TNR: variants seen among roughly 807,000 people sequenced by gnomAD.
TNR encodes the protein tenascin R, also known as tenascin-R.
TNR carries 45 observed loss-of-function variants against 150.4 expected under a neutral mutation model. The observed-to-expected ratio is 0.30, with a 90% CI of 0.24 to 0.38. TNR has a LOEUF of 0.38. TNR is among the 10% of genes least tolerant of loss of function. The pLI is 1.00. For synonymous variants in TNR, 687 were observed against 678.4 expected, an observed-to-expected ratio of 1.01 and a Z score of -0.20; for missense variants, 1,544 against 1,759.1, an observed-to-expected ratio of 0.88 and a Z score of 2.19.
chr1:175,399,315 C>G (rs779073142), intron 4 of TNR, among the ~76,000 whole-genome samples: 1 of 152,148 alleles, frequency 6.6e-6, no homozygotes, highest in Non-Finnish European at 1.5e-5. Context: ...AACAAATCAG[C>G]GTATTCCTTT....
intron 2 of TNR, among the ~76,000 whole-genome samples, chr1:175,494,611 T>A (rs1352055680): frequency 6.6e-6 from 1 of 152,214 alleles, no homozygotes; most frequent in Non-Finnish European, 1.5e-5. Context: ...ACTGGGCTCC[T>A]GGTTGCCTGT....
intron 2 of TNR, among the ~76,000 whole-genome samples, chr1:175,511,710 T>C (rs1571543364): frequency 1.3e-5 from 2 of 152,224 alleles, no homozygotes; most frequent in Admixed American, 6.5e-5. Flanking sequence ...TTGTGAGTCA[T>C]GGAGCCACTA....
At chr1:175,568,953 T>G (rs1401264035) in intron 1 of TNR, among the ~76,000 whole-genome samples, 1 of 150,884 alleles carries the variant, frequency 6.6e-6, no homozygotes, top group Non-Finnish European at 1.5e-5. Flanking sequence ...CCTGTCCACT[T>G]TTTTTTTTAA....
chr1:175,336,036 A>G (rs1334020713), intron 19 of TNR, among the ~76,000 whole-genome samples: 1 of 152,178 alleles, frequency 6.6e-6, no homozygotes. Context: ...GCCCCTGATG[A>G]ATAGGCTCCA....
At chr1:175,365,412 T>C (rs1651787804) in intron 11 of TNR, 133 bp from the exon 12 acceptor site, 3 of 995,760 alleles carry the variant, frequency 3.0e-6, no homozygotes, top group Non-Finnish European at 4.3e-6. Flanking sequence ...AACCAAGAGA[T>C]TCCACCTCCT....
intron 2 of TNR, among the ~76,000 whole-genome samples, chr1:175,484,069 G>A (rs1265345128): frequency 6.6e-6 from 1 of 152,222 alleles, no homozygotes. Flanking sequence ...TGTCCCTGGT[G>A]CCTAGCACTG....
At chr1:175,502,632 C>A (rs1228319052) in intron 2 of TNR, among the ~76,000 whole-genome samples, 1 of 152,118 alleles carries the variant, frequency 6.6e-6, no homozygotes, top group African/African-American at 2.4e-5. Flanking sequence ...CCCCAGTAAA[C>A]CTCTTGCATG....
At position 175,336,553 on chromosome 1, in the gene TNR, C is replaced by T. The variant is rs73036234; in HGVS notation, c.3535-746G>A. Among the ~76,000 whole-genome samples, 473 of 152,330 alleles carry T rather than the reference C, an allele frequency of 3.1e-3. 2 individuals carry two copies. Among genetic ancestry groups the T allele is most frequent in the African/African-American group, 0.011 (456 of 41,570 alleles). On this transcript the variant is annotated intron_variant, in intron 19 of 22. Coordinates refer to ENST00000367674, the MANE Select transcript of TNR (RefSeq NM_003285.3). ...AGCTAATGTTGGGCTGCTTTAGGGC[C>T]AAGTGGTGGGAACTCCCGGCTGCTC...
rs979499895 is a variant in TNR at position 175,732,727 on chromosome 1, G to A, written c.-165+10499C>T. On this transcript the variant is annotated intron_variant, in intron 1 of 22. Transcript: ENST00000367674. The stretch of plus-strand genomic sequence containing the variant: ...ACAGAATCCCTGGGTTCAAATTCTG[G>A]CTCTGCCATTTGTCACGTGTCTTCA... Among the ~76,000 whole-genome samples, 11 of 152,280 alleles carry A rather than the reference G, an allele frequency of 7.2e-5. No homozygotes were observed. In the East Asian group the frequency reaches 1.9e-3, roughly 27 times the overall value.
chr1:175,667,578 A>T (rs1445126190), intron 1 of TNR, among the ~76,000 whole-genome samples: 1 of 152,226 alleles, frequency 6.6e-6, no homozygotes, highest in Non-Finnish European at 1.5e-5. Context: ...ACAAGTAAAC[A>T]GGGAATTTCA....
chr1:175,441,675 G>C (rs749802500), intron 2 of TNR, among the ~76,000 whole-genome samples: 1 of 152,058 alleles, frequency 6.6e-6, no homozygotes, highest in Non-Finnish European at 1.5e-5. Context: ...GTGGCCCCTC[G>C]AGCTACATTA....
At chr1:175,364,577 C>T (rs986816510) in intron 12 of TNR, among the ~76,000 whole-genome samples, 2 of 152,180 alleles carry the variant, frequency 1.3e-5, no homozygotes, top group Non-Finnish European at 2.9e-5. Flanking sequence ...CAGGTCACTA[C>T]CTGATTGCAT....
At chr1:175,616,851 G>C (rs1663792499) in intron 1 of TNR, among the ~76,000 whole-genome samples, 2 of 152,178 alleles carry the variant, frequency 1.3e-5, no homozygotes, top group South Asian at 4.1e-4. Flanking sequence ...CCAACTCCCT[G>C]TGTGGCTGTA....
At chr1:175,720,402 C>T (rs1466517120) in intron 1 of TNR, among the ~76,000 whole-genome samples, 1 of 152,130 alleles carries the variant, frequency 6.6e-6, no homozygotes, top group East Asian at 1.9e-4. Context: ...AAAATGAATT[C>T]CTGTTGTTTA....
intron 18 of TNR, among the ~76,000 whole-genome samples, chr1:175,348,713 G>A (rs569948739): frequency 1.3e-5 from 2 of 152,190 alleles, no homozygotes; most frequent in African/African-American, 4.8e-5. Context: ...AGGAGAACTG[G>A]TTCACTATAG....
chr1:175,562,379 T>C (rs552621999), intron 1 of TNR, among the ~76,000 whole-genome samples: 1 of 152,338 alleles, frequency 6.6e-6, no homozygotes, highest in Non-Finnish European at 1.5e-5. Flanking sequence ...CAGTGATTCC[T>C]AAGTGCTAAA....
chr1:175,643,407 C>T (rs572977332), intron 1 of TNR, among the ~76,000 whole-genome samples: 25 of 152,346 alleles, frequency 1.6e-4, no homozygotes, highest in South Asian at 4.1e-4. Context: ...GAGTCACCAA[C>T]GCCCTGTGCC....
intron 1 of TNR, among the ~76,000 whole-genome samples, chr1:175,690,494 T>C (rs767339156): frequency 1.3e-5 from 2 of 152,178 alleles, no homozygotes; most frequent in Non-Finnish European, 2.9e-5. Flanking sequence ...CACATGACTC[T>C]CAGAAGACAC....
intron 2 of TNR, among the ~76,000 whole-genome samples, chr1:175,503,201 C>A (rs557471642): frequency 6.6e-6 from 1 of 152,236 alleles, no homozygotes; most frequent in African/African-American, 2.4e-5. Context: ...GATGAGAAGG[C>A]GCAGCTGAAT....
Sources: allele counts gnomAD v4.1 joint callset (sites outside exome capture counted in the v4.1 genomes callset), GRCh38; gene constraint gnomAD v4.1.1; transcripts MANE v1.5; gene names NCBI Gene and HGNC (gene_info 2026-07-23, HGNC 2026-07-21).